CA8: variants seen among roughly 807,000 people sequenced by gnomAD.
The protein encoded by CA8 is carbonic anhydrase 8 (inactive), also known as carbonic anhydrase-related protein.
A neutral mutation model predicts 41.4 loss-of-function variants in CA8; 22 were observed. That is an observed-to-expected ratio of 0.53 (90% CI 0.38 to 0.76). The LOEUF is 0.76. CA8 is among the 30% of genes least tolerant of loss of function. CA8 has a pLI of 0.00. For synonymous variants in CA8, 121 were observed against 130.6 expected, an observed-to-expected ratio of 0.93 and a Z score of 0.50; for missense variants, 270 against 352.8, an observed-to-expected ratio of 0.77 and a Z score of 1.88.
intron 2 of CA8, among the ~76,000 whole-genome samples, chr8:60,275,963 A>G (rs1208710201): frequency 6.6e-6 from 1 of 152,208 alleles, no homozygotes; most frequent in Non-Finnish European, 1.5e-5. Context: ...AGTCAAGAAT[A>G]CTTCCAACCC....
intron 3 of CA8, among the ~76,000 whole-genome samples, chr8:60,261,125 G>A (rs34607844): frequency 0.056 from 8,548 of 151,888 alleles, 342 homozygotes; most frequent in Non-Finnish European, 0.093. Flanking sequence ...CCTGGCACAG[G>A]GGCCAAATAT....
chr8:60,201,906 C>G (rs183932905), intron 8 of CA8, among the ~76,000 whole-genome samples: 1 of 152,296 alleles, frequency 6.6e-6, no homozygotes, highest in African/African-American at 2.4e-5. Flanking sequence ...TGTTCAGAAT[C>G]AGAATTGACC....
At position 60,185,837 on chromosome 8, in the gene CA8, A is replaced by T. The variant is rs965610404; in HGVS notation, c.*4184T>A. The stretch of plus-strand genomic sequence containing the variant: ...CTGGAATGAAGTGACCCCAGATACT[A>T]ATTTGAATCCATTCCAAAAAAAAAA... On this transcript the variant is annotated 3_prime_UTR_variant, in exon 9 of 9. Coordinates refer to ENST00000317995, the MANE Select transcript of CA8 (RefSeq NM_004056.6). Among the ~76,000 whole-genome samples the T allele has an allele frequency of 1.3e-5, 2 of 152,104 alleles. No individual in the cohort carries two copies. Among genetic ancestry groups the T allele is most frequent in the Non-Finnish European group, 2.9e-5 (2 of 68,000 alleles).
At chr8:60,198,573 T>G (rs150016473) in intron 8 of CA8, among the ~76,000 whole-genome samples, 2 of 152,318 alleles carry the variant, frequency 1.3e-5, no homozygotes, top group African/African-American at 2.4e-5. Context: ...TTTTTCTTCC[T>G]TCTTCTCTAA....
intron 1 of CA8, among the ~76,000 whole-genome samples, chr8:60,280,109 T>C (rs1463607455): frequency 6.6e-6 from 1 of 152,220 alleles, no homozygotes; most frequent in Admixed American, 6.5e-5. Flanking sequence ...ATATTCTATT[T>C]GTATTTGTCA....
At chr8:60,253,785 G>A (rs1046974624) in intron 3 of CA8, among the ~76,000 whole-genome samples, 4 of 152,008 alleles carry the variant, frequency 2.6e-5, no homozygotes, top group Admixed American at 6.6e-5. Flanking sequence ...TTTACCCAGC[G>A]AACTCCTACT....
intron 3 of CA8, among the ~76,000 whole-genome samples, chr8:60,243,429 T>C (rs1419469962): frequency 7.5e-6 from 1 of 133,982 alleles, no homozygotes; most frequent in Non-Finnish European, 1.5e-5. Flanking sequence ...TTTCTCCTCT[T>C]TAAAAAAAAA....
intron 2 of CA8, among the ~76,000 whole-genome samples, chr8:60,269,989 G>C (rs1025178756): frequency 2.6e-5 from 4 of 152,220 alleles, no homozygotes; most frequent in East Asian, 1.9e-4. Flanking sequence ...ATGGAGAGTA[G>C]AGCGAAGAGC....
At chr8:60,259,044 T>C (rs1803647134) in intron 3 of CA8, among the ~76,000 whole-genome samples, 1 of 152,230 alleles carries the variant, frequency 6.6e-6, no homozygotes, top group South Asian at 2.1e-4. Context: ...CTGAGTTGTC[T>C]ATTGTACTCA....
At chr8:60,276,830 T>C (rs1397199606) in intron 2 of CA8, among the ~76,000 whole-genome samples, 1 of 152,154 alleles carries the variant, frequency 6.6e-6, no homozygotes, top group Non-Finnish European at 1.5e-5. Flanking sequence ...ATAAGAAAAC[T>C]GGCCTCGTCC....
At chr8:60,248,513 T>C (rs1239615940) in intron 3 of CA8, among the ~76,000 whole-genome samples, 2 of 152,234 alleles carry the variant, frequency 1.3e-5, no homozygotes, top group Non-Finnish European at 2.9e-5. Flanking sequence ...CAGGGAATCC[T>C]TTCCCCGTTG....
At chr8:60,215,900 T>C (rs1176898847) in intron 7 of CA8, among the ~76,000 whole-genome samples, 3 of 152,214 alleles carry the variant, frequency 2.0e-5, no homozygotes, top group African/African-American at 7.2e-5. Context: ...ACTATTATCC[T>C]ATGGCAGGTG....
At chr8:60,268,514 T>C (rs1386343576) in intron 2 of CA8, among the ~76,000 whole-genome samples, 1 of 152,162 alleles carries the variant, frequency 6.6e-6, no homozygotes, top group Non-Finnish European at 1.5e-5. Flanking sequence ...CAAAACTTCC[T>C]TAACAGCAAT....
rs764869324 is a variant in CA8 at position 60,279,142 on chromosome 8, AAAGG to A, written c.292+543_292+546del. ...AAATAAATAAATAAATAAATAAATA[AAAGG>A]AAGAGGTTTGTTTACCATTTAAATC... On this transcript the variant is annotated intron_variant, in intron 2 of 8. Transcript: ENST00000317995. Among the ~76,000 whole-genome samples the A allele has an allele frequency of 1.6e-4, 24 of 152,106 alleles. 1 individual carries two copies. The highest frequency in any genetic ancestry group is 7.7e-4 in the East Asian group (4 of 5,182).
chr8:60,246,946 C>G (rs965591417), intron 3 of CA8, among the ~76,000 whole-genome samples: 1 of 133,110 alleles, frequency 7.5e-6, no homozygotes. Context: ...TTCAGTGGCG[C>G]GATCTCGGCT....
At chr8:60,191,189 T>C (rs1806119504) in intron 8 of CA8, among the ~76,000 whole-genome samples, 1 of 151,974 alleles carries the variant, frequency 6.6e-6, no homozygotes, top group Admixed American at 6.6e-5. Flanking sequence ...GAAAATATTG[T>C]AGATATTTAT....
chr8:60,232,134 A>G (rs1807669074), intron 4 of CA8, 150 bp downstream of exon 4: 1 of 675,806 alleles, frequency 1.5e-6, no homozygotes, highest in African/African-American at 1.8e-5. Context: ...CCGATAAACC[A>G]TAAGGATCAA....
chr8:60,225,267 G>A (rs1048378885), intron 5 of CA8, among the ~76,000 whole-genome samples: 1 of 152,142 alleles, frequency 6.6e-6, no homozygotes, highest in African/African-American at 2.4e-5. Context: ...GTCCTGTCAT[G>A]TGACTCAGAT....
intron 3 of CA8, among the ~76,000 whole-genome samples, chr8:60,243,552 T>C (rs930480760): frequency 3.9e-5 from 6 of 152,146 alleles, no homozygotes; most frequent in African/African-American, 1.4e-4. Flanking sequence ...TTTCCTCTGC[T>C]ATCTACTGAA....
Sources: gnomAD v4.1 joint callset for allele counts (sites outside exome capture counted in the v4.1 genomes callset) on GRCh38, gnomAD v4.1.1 for gene constraint, MANE v1.5 for transcripts, NCBI Gene and HGNC (gene_info 2026-07-23, HGNC 2026-07-21) for gene names.